ATP6V1E1: variants seen among roughly 807,000 people sequenced by gnomAD.
ATP6V1E1 encodes the protein ATPase H+ transporting V1 subunit E1.
A neutral mutation model predicts 35.2 loss-of-function variants in ATP6V1E1; 21 were observed. The ratio of observed to expected loss-of-function variants is 0.60; its 90% confidence interval spans 0.42 to 0.86. ATP6V1E1 has a LOEUF of 0.86. ATP6V1E1 is among the 40% of genes least tolerant of loss of function. ATP6V1E1 has a pLI of 0.00. For missense variants in ATP6V1E1, 183 were observed against 272.6 expected, an observed-to-expected ratio of 0.67 and a Z score of 2.32; for synonymous variants, 83 against 87.8, an observed-to-expected ratio of 0.95 and a Z score of 0.30.
chr22:17,613,470 T>G (rs1601387290), intron 2 of ATP6V1E1, 150 bp from the exon 3 acceptor site: 3 of 697,570 alleles, frequency 4.3e-6, no homozygotes, highest in Non-Finnish European at 7.1e-6. Flanking sequence ...GATTCTAATT[T>G]ATTCAAAAGG....
intron 8 of ATP6V1E1, 62 bp from the exon 9 acceptor site, chr22:17,592,798 ATC>A: frequency 3.7e-5 from 43 of 1,158,490 alleles, no homozygotes; most frequent in Non-Finnish European, 4.5e-5. Flanking sequence ...AGCGCTGCAC[ATC>A]TTTTTTTTTT....
rs114028628 is a variant in ATP6V1E1, at chr22:17,597,547, C to G, written c.530+647G>C. On this transcript the variant is annotated intron_variant, in intron 7 of 8. Coordinates refer to ENST00000253413, the MANE Select transcript of ATP6V1E1 (RefSeq NM_001696.4). ...TTACTTAGAAGAAGGGAGTATCTAC[C>G]TCAGCATCCAATACAGAGATCTGGT... Among the ~76,000 whole-genome samples the G allele has an allele frequency of 7.1e-3, 1,085 of 152,150 alleles. 27 individuals are homozygous for G. The highest frequency in any genetic ancestry group is 0.025 in the African/African-American group (1,015 of 41,414).
intron 1 of ATP6V1E1, among the ~76,000 whole-genome samples, chr22:17,623,683 A>T (rs2057889467): frequency 6.6e-6 from 1 of 151,960 alleles, no homozygotes; most frequent in South Asian, 2.1e-4. Flanking sequence ...TCATTTAACT[A>T]AATACAGTAA....
chr22:17,595,416 A>G (rs1370638525), intron 7 of ATP6V1E1: 1 of 152,222 alleles, frequency 6.6e-6, no homozygotes, highest in Admixed American at 6.5e-5. Flanking sequence ...AACAAAATGA[A>G]AAAGAGAGGA....
intron 6 of ATP6V1E1, among the ~76,000 whole-genome samples, chr22:17,598,660 G>A (rs1392574813): frequency 6.6e-6 from 1 of 152,164 alleles, no homozygotes; most frequent in Non-Finnish European, 1.5e-5. Flanking sequence ...CTGCTGGCAT[G>A]AGCTTCAACT....
intron 4 of ATP6V1E1, among the ~76,000 whole-genome samples, chr22:17,603,022 T>C (rs369633754): frequency 7.2e-5 from 11 of 152,168 alleles, no homozygotes; most frequent in East Asian, 1.9e-4. Context: ...AGTGGCCTGA[T>C]CTTAACTCAC....
At chr22:17,617,935 G>A (rs533271916) in intron 2 of ATP6V1E1, among the ~76,000 whole-genome samples, 4 of 152,226 alleles carry the variant, frequency 2.6e-5, no homozygotes, top group African/African-American at 4.8e-5. Flanking sequence ...TCAGCCTCCC[G>A]AGGAGCTGGG....
At chr22:17,609,001 G>T (rs1052435012) in intron 4 of ATP6V1E1, among the ~76,000 whole-genome samples, 1 of 151,924 alleles carries the variant, frequency 6.6e-6, no homozygotes. Flanking sequence ...GCAGGAGACT[G>T]GCGTGAACCC....
intron 4 of ATP6V1E1, among the ~76,000 whole-genome samples, chr22:17,607,309 C>A (rs957514640): frequency 7.2e-5 from 11 of 152,082 alleles, no homozygotes; most frequent in Admixed American, 3.3e-4. Context: ...AGGCACCCCC[C>A]ACCAGGCCCA....
intron 8 of ATP6V1E1, among the ~76,000 whole-genome samples, chr22:17,593,734 T>C (rs148212566): frequency 2.0e-5 from 3 of 152,318 alleles, no homozygotes; most frequent in African/African-American, 4.8e-5. Flanking sequence ...GTAAACTGCA[T>C]ATCTAGGTCA....
rs955505262 is a variant in ATP6V1E1 at position 17,592,234 on chromosome 22, G to A, written c.*440C>T. 1 of 159,916 alleles carries A rather than the reference G, an allele frequency of 6.3e-6. No individual in the cohort carries two copies. The highest frequency in any genetic ancestry group is 2.4e-5 in the African/African-American group (1 of 41,666). The allele number at this position is 159,916 out of a possible 1,614,324, so 9.9% of individuals were successfully genotyped here. On this transcript the variant is annotated 3_prime_UTR_variant, in exon 9 of 9. Transcript: ENST00000253413. Reference sequence around the variant, plus strand: ...TAGATTTTAAATCACATTTACAGATGAGGGAAAACTTCTAGGCCTAAACAG... The same window carrying A: ...TAGATTTTAAATCACATTTACAGATAAGGGAAAACTTCTAGGCCTAAACAG...
intron 7 of ATP6V1E1, among the ~76,000 whole-genome samples, chr22:17,597,376 C>T (rs2057737474): frequency 6.6e-6 from 1 of 151,934 alleles, no homozygotes; most frequent in Non-Finnish European, 1.5e-5. Context: ...CTACTGCCTA[C>T]CCCAGCTACA....
Position 17,622,380 on chromosome 22 carries a change from G to T in ATP6V1E1, c.34-2854C>A, listed in dbSNP as rs1311942622. On this transcript the variant is annotated intron_variant, in intron 1 of 8. Transcript: ENST00000253413. The stretch of plus-strand genomic sequence containing the variant: ...TTCTAAGGAATACAAGGTATCCCAG[G>T]TACTTTTTAGGGTTTAACAATCTGT... Among the ~76,000 whole-genome samples, 3 of 152,102 alleles carry T rather than the reference G, an allele frequency of 2.0e-5. No individual in the cohort carries two copies. In the East Asian group the frequency reaches 5.8e-4, roughly 29 times the overall value.
intron 7 of ATP6V1E1, among the ~76,000 whole-genome samples, chr22:17,595,638 T>G (rs1239893441): frequency 1.3e-5 from 2 of 151,914 alleles, no homozygotes; most frequent in Non-Finnish European, 2.9e-5. Context: ...CTGGCCAACA[T>G]GGCGAAAGCC....
rs1568888235 is a variant in ATP6V1E1, at chr22:17,611,746, A to C, written c.276+1066T>G. The stretch of plus-strand genomic sequence containing the variant: ...TTGGAAGAAAAGGCAGAGTCAATGA[A>C]TGTCTGGAAAGTCTTCCTGTAAAAT... On this transcript the variant is annotated intron_variant, in intron 4 of 8. Coordinates refer to ENST00000253413, the MANE Select transcript of ATP6V1E1 (RefSeq NM_001696.4). 2.6e-5 allele frequency among the ~76,000 whole-genome samples: 4 copies of C among 152,224 alleles called. No individual in the cohort carries two copies. The South Asian group carries it at 8.3e-4, about 32-fold the overall frequency.
chr22:17,593,658 G>C (rs1206900944), intron 8 of ATP6V1E1, among the ~76,000 whole-genome samples: 2 of 152,222 alleles, frequency 1.3e-5, no homozygotes, highest in African/African-American at 4.8e-5. Flanking sequence ...TGAGGTTTAA[G>C]TTACCAGAAT....
chr22:17,606,974 G>GT (rs1391263354), intron 4 of ATP6V1E1, among the ~76,000 whole-genome samples: 3 of 152,082 alleles, frequency 2.0e-5, no homozygotes, highest in African/African-American at 7.2e-5. Flanking sequence ...ATGCTTCTCA[G>GT]TTTTTTTGGC....
rs1300906748 is a variant in ATP6V1E1, at chr22:17,614,994, C to T, written c.100-1674G>A. Among the ~76,000 whole-genome samples the T allele has an allele frequency of 4.0e-5, 6 of 151,282 alleles. No individual in the cohort carries two copies. In the East Asian group the frequency reaches 5.9e-4, roughly 15 times the overall value. On this transcript the variant is annotated intron_variant, in intron 2 of 8. Coordinates refer to ENST00000253413, the MANE Select transcript of ATP6V1E1 (RefSeq NM_001696.4). ...TTTTTTTTCCCTCATGGGTAAGTGT[C>T]GCATATATTTAAAAATATAAATTAT... is the stretch of plus-strand genomic sequence containing the variant.
intron 2 of ATP6V1E1, 40 bp from the exon 3 acceptor site, chr22:17,613,360 T>A (rs1021709800): frequency 1.3e-6 from 2 of 1,562,210 alleles, no homozygotes; most frequent in Non-Finnish European, 1.8e-6. Context: ...TTACATCAAG[T>A]TTTGATTAAC....
Sources: allele counts gnomAD v4.1 joint callset (sites outside exome capture counted in the v4.1 genomes callset), GRCh38; gene constraint gnomAD v4.1.1; transcripts MANE v1.5; gene names NCBI Gene and HGNC (gene_info 2026-07-23, HGNC 2026-07-21).